PAX2: variants seen among roughly 807,000 people sequenced by gnomAD.
PAX2 encodes paired box protein Pax-2.
Under a neutral mutation model 41.7 loss-of-function variants are expected in PAX2, and 9 were observed. The observed-to-expected ratio is 0.22, with a 90% CI of 0.13 to 0.38. PAX2 has a LOEUF of 0.38. Among genes scored for constraint, PAX2 ranks in the 10% least tolerant of loss-of-function variants. PAX2 has a pLI of 1.00. For missense variants in PAX2, 418 were observed against 531.6 expected, an observed-to-expected ratio of 0.79 and a Z score of 2.10; for synonymous variants, 221 against 212.7, an observed-to-expected ratio of 1.04 and a Z score of -0.34.
intron 7 of PAX2, among the ~76,000 whole-genome samples, chr10:100,822,418 T>G (rs1015351410): frequency 6.6e-6 from 1 of 152,106 alleles, no homozygotes; most frequent in African/African-American, 2.4e-5. Flanking sequence ...ATAAAAAAAA[T>G]GATAACCCAT....
At chr10:100,804,731 G>A (rs771294201) in intron 5 of PAX2, among the ~76,000 whole-genome samples, 12 of 152,120 alleles carry the variant, frequency 7.9e-5, no homozygotes, top group Admixed American at 6.5e-5. Flanking sequence ...ATGTACAAGC[G>A]CGTAGACACG....
At chr10:100,799,009 A>G (rs575476897) in intron 5 of PAX2, among the ~76,000 whole-genome samples, 1 of 152,394 alleles carries the variant, frequency 6.6e-6, no homozygotes, top group South Asian at 2.1e-4. Context: ...ACCGAGGAGA[A>G]CAATTGAGTT....
rs933319243 is a variant in PAX2 at position 100,745,656 on chromosome 10, C to T, written c.-605C>T. 24 of 739,030 alleles carry T rather than the reference C, an allele frequency of 3.2e-5. 1 individual carries two copies. In the Admixed American group the frequency reaches 5.4e-4, roughly 17 times the overall value. The allele number at this position is 739,030 out of a possible 1,614,324, so 45.8% of individuals were successfully genotyped here. A position where few individuals can be genotyped will look rare whatever the true frequency, so the allele number is the denominator to read the frequency against. On this transcript the variant is annotated 5_prime_UTR_variant, in exon 1 of 10. Coordinates refer to ENST00000355243, the MANE Select transcript of PAX2 (RefSeq NM_000278.5). ...AGAGCTGCCAGCGCCGCTCGGCTCC[C>T]TCCCTCCCTCCCGGCCCTTCGGCCG...
intron 5 of PAX2, among the ~76,000 whole-genome samples, chr10:100,794,766 C>A (rs967858253): frequency 1.3e-5 from 2 of 152,302 alleles, no homozygotes; most frequent in South Asian, 4.2e-4. Context: ...CAGACTCAAG[C>A]TCATATTGAG....
chr10:100,809,081 A>G (rs371620041), intron 6 of PAX2, 29 bp from the exon 7 acceptor site: 37 of 1,610,446 alleles, frequency 2.3e-5, no homozygotes, highest in African/African-American at 4.0e-5. Context: ...GCATCAATAG[A>G]GAGCTGTCAC....
At chr10:100,740,026 C>A (rs1171970838) in intron 1 of PAX2, among the ~76,000 whole-genome samples, 1 of 152,234 alleles carries the variant, frequency 6.6e-6, no homozygotes, top group East Asian at 1.9e-4. Context: ...TTCTTCCCCT[C>A]CTGTCTCTCC....
Position 100,827,857 on chromosome 10 carries a change from C to A in PAX2, c.*238C>A, listed in dbSNP as rs1347653492. ...GGCCCGGGCCCGCCGCCCCCAGCCC[C>A]GCCTGCCGCCCCTCCCCGCCTGCCT... On this transcript the variant is annotated 3_prime_UTR_variant, in exon 10 of 10. Coordinates refer to ENST00000355243, the MANE Select transcript of PAX2 (RefSeq NM_000278.5). This position sits in a 1 kb window ranked among gnomAD's most constrained non-coding sequence, Gnocchi z 8.5. 3 of 584,038 alleles carry A rather than the reference C, an allele frequency of 5.1e-6. 1 individual carries two copies. In the East Asian group the frequency reaches 9.0e-5, roughly 18 times the overall value. The allele number at this position is 584,038 out of a possible 1,614,324, so 36.2% of individuals were successfully genotyped here.
chr10:100,795,383 C>T (rs570121676), intron 5 of PAX2, among the ~76,000 whole-genome samples: 2 of 152,018 alleles, frequency 1.3e-5, no homozygotes, highest in South Asian at 2.1e-4. Context: ...TGATGAATGC[C>T]GTGATCAAGG....
chr10:100,806,935 T>C (rs1419563434), intron 6 of PAX2, among the ~76,000 whole-genome samples: 1 of 152,094 alleles, frequency 6.6e-6, no homozygotes, highest in African/African-American at 2.4e-5. Context: ...TAGCTCCGCT[T>C]TTCTGTGGTT....
Position 100,827,046 on chromosome 10 carries a change from G to A in PAX2, c.1059G>A (p.Gln353=). The A allele has an allele frequency of 1.2e-6, 2 of 1,613,692 alleles. No homozygotes were observed. The highest frequency in any genetic ancestry group is 1.7e-6 in the Non-Finnish European group (2 of 1,179,642). The change falls in exon 9 of 10, where the codon CAG becomes CAA. Residue 353 remains glutamine (Q), a synonymous_variant. Coordinates refer to ENST00000355243, the MANE Select transcript of PAX2 (RefSeq NM_000278.5). This position sits in a 1 kb window ranked among gnomAD's most constrained non-coding sequence, Gnocchi z 8.5. ...EFSGNPYSHP[Q]YTAYNEAWRF... ...CCGGCAACCCGTACAGCCACCCCCAGTACACGGCCTACAACGAGGCTTGGA... is the reference window on the plus strand; with the variant it reads ...CCGGCAACCCGTACAGCCACCCCCAATACACGGCCTACAACGAGGCTTGGA...
rs1314776790 is a variant in PAX2, at chr10:100,827,567, C to T, written c.1133C>T (p.Ala378Val). 3 of 1,613,560 alleles carry T rather than the reference C, an allele frequency of 1.9e-6. No individual in the cohort carries two copies. The highest frequency in any genetic ancestry group is 1.7e-4 in the Middle Eastern group (1 of 6,048). The change falls in exon 10 of 10, where the codon GCC (alanine) becomes GTC (valine). Residue 378 changes from alanine to valine, a missense_variant. Coordinates refer to ENST00000355243, the MANE Select transcript of PAX2 (RefSeq NM_000278.5). The surrounding 1 kb of genome is among the most constrained non-coding windows in gnomAD (Gnocchi z 8.5). ...LLSSPYYYSAAPRGSAPAAAA... is the reference protein window; with the variant it reads ...LLSSPYYYSAVPRGSAPAAAA... The stretch of plus-strand genomic sequence containing the variant: ...GGTTCCCCTTATTATTATAGTGCCG[C>T]CCCCCGGGGCTCCGCCCCTGCCGCT...
chr10:100,815,715 A>G (rs1848163969), intron 7 of PAX2, among the ~76,000 whole-genome samples: 1 of 152,236 alleles, frequency 6.6e-6, no homozygotes, highest in African/African-American at 2.4e-5. Context: ...GGTAAAGGAT[A>G]TGGAAAAGAA....
rs796335051 is a variant in PAX2, at chr10:100,819,268, A to C, written c.920-5380A>C. 6.5e-3 allele frequency among the ~76,000 whole-genome samples: 932 copies of C among 143,012 alleles called. 15 individuals carry two copies. The highest frequency in any genetic ancestry group is 0.023 in the African/African-American group (888 of 38,426). The allele number at this position is 143,012 out of a possible 152,430, so 93.8% of individuals were successfully genotyped here. ...GTCTCAAAAAAAAAAAAGGGGGGGG[A>C]GTTTAAAAACATATCAATGGCTGGT... On this transcript the variant is annotated intron_variant, in intron 7 of 9. Transcript: ENST00000355243.
At chr10:100,739,462 C>G (rs1844879209) in intron 1 of PAX2, among the ~76,000 whole-genome samples, 1 of 152,232 alleles carries the variant, frequency 6.6e-6, no homozygotes, top group South Asian at 2.1e-4. Context: ...GCGGATGGAT[C>G]CGAGACGGTA....
At position 100,827,152 on chromosome 10, in the gene PAX2, C is replaced by T. The variant is rs1589910747; in HGVS notation, c.1108+57C>T. The T allele has an allele frequency of 1.4e-6, 2 of 1,398,532 alleles. No homozygotes were observed. Among genetic ancestry groups the T allele is most frequent in the South Asian group, 1.2e-5 (1 of 86,398 alleles). 86.6% of individuals were successfully genotyped at this position (1,398,532 alleles called of 1,614,324 possible). A position where few individuals can be genotyped will look rare whatever the true frequency, so the allele number is the denominator to read the frequency against. ...AGCGCGGCCGCGCGGCTTCTGGGCACGGTCCCACTCCCGGCGACCCGACCT... is the reference window on the plus strand; with the variant it reads ...AGCGCGGCCGCGCGGCTTCTGGGCATGGTCCCACTCCCGGCGACCCGACCT... On this transcript the variant is annotated intron_variant, in intron 9 of 9. Transcript: ENST00000355243. This position sits in a 1 kb window ranked among gnomAD's most constrained non-coding sequence, Gnocchi z 8.5.
rs148606314 is a variant in PAX2, at chr10:100,764,499, T to C, written c.410+13608T>C. Among the ~76,000 whole-genome samples the C allele has an allele frequency of 3.8e-4, 58 of 152,296 alleles. No homozygotes were observed. The East Asian group carries it at 0.011, about 28-fold the overall frequency. On this transcript the variant is annotated intron_variant, in intron 3 of 9. Transcript: ENST00000355243. ...CCAAAAGGATATTCTGTGAACAGAA[T>C]TGTGTATCATGAATGCCAGTGAGAA...
chr10:100,824,687 C>G lies in PAX2; in HGVS notation c.959C>G (p.Pro320Arg), dbSNP rs747966683. The G allele has an allele frequency of 3.7e-6, 6 of 1,611,332 alleles. No homozygotes were observed. Among genetic ancestry groups the G allele is most frequent in the Non-Finnish European group, 4.2e-6 (5 of 1,177,474 alleles). The change falls in exon 8 of 10, where the codon CCT (proline) becomes CGT (arginine). Residue 320 changes from proline (P) to arginine (R), a missense_variant. Coordinates refer to ENST00000355243, the MANE Select transcript of PAX2 (RefSeq NM_000278.5). The surrounding 1 kb of genome is among the most constrained non-coding windows in gnomAD (Gnocchi z 6.6). ...MASTTLPGYP[P>R]HVPPTGQGSY... The stretch of plus-strand genomic sequence containing the variant: ...AGCACCACTCTGCCTGGTTACCCCC[C>G]TCACGTGCCCCCCACTGGCCAGGGA...
chr10:100,748,191 A>AATT lies in PAX2; in HGVS notation c.44-1551_44-1549dup. The stretch of plus-strand genomic sequence containing the variant: ...CCGGGCCCTGAGCCCGGGGAGGCTG[A>AATT]ATTATTCATCTTTAATCTGCCCGCA... On this transcript the variant is annotated intron_variant, in intron 1 of 9. Transcript: ENST00000355243. The surrounding 1 kb of genome is among the most constrained non-coding windows in gnomAD (Gnocchi z 5.0). 1 of 985,008 alleles carries AATT rather than the reference A, an allele frequency of 1.0e-6. No individual in the cohort carries two copies. Among genetic ancestry groups the AATT allele is most frequent in the Non-Finnish European group, 1.2e-6 (1 of 829,848 alleles). 61.0% of individuals were successfully genotyped at this position (985,008 alleles called of 1,614,324 possible). A position where few individuals can be genotyped will look rare whatever the true frequency, so the allele number is the denominator to read the frequency against.
intron 4 of PAX2, among the ~76,000 whole-genome samples, chr10:100,780,763 G>C (rs970903723): frequency 1.8e-4 from 28 of 152,326 alleles, no homozygotes; most frequent in African/African-American, 6.0e-4. Context: ...ATCAGGATTG[G>C]TAAAGACTCA....
Sources: gnomAD v4.1 joint callset for allele counts (sites outside exome capture counted in the v4.1 genomes callset) on GRCh38, gnomAD v4.1.1 for gene constraint, Gnocchi (gnomAD v3.1) non-coding constraint, MANE v1.5 for transcripts, NCBI Gene and HGNC (gene_info 2026-07-23, HGNC 2026-07-21) for gene names.